BRAF: variants seen among roughly 807,000 people sequenced by gnomAD.
The protein encoded by BRAF is B-Raf proto-oncogene, serine/threonine kinase.
In BRAF, 16 loss-of-function variants were observed where a neutral mutation model predicts 104.6. The ratio of observed to expected loss-of-function variants is 0.15; its 90% CI spans 0.10 to 0.23. The LOEUF is 0.23. Among genes scored for constraint, BRAF ranks in the 10% least tolerant of loss-of-function variants. BRAF has a pLI of 1.00. For synonymous variants in BRAF, 310 were observed against 341.6 expected (o/e 0.91, Z 1.02); for missense variants, 541 against 937.3 (o/e 0.58, Z 5.52).
intron 2 of BRAF, among the ~76,000 whole-genome samples, chr7:140,846,680 A>G (rs1319803304): frequency 6.6e-6 from 1 of 152,150 alleles, no homozygotes; most frequent in East Asian, 1.9e-4. Context: ...AAATTTTGTT[A>G]GGCATATTTT....
chr7:140,889,533 T>G (rs987039504), intron 1 of BRAF, among the ~76,000 whole-genome samples: 1 of 152,180 alleles, frequency 6.6e-6, no homozygotes, highest in African/African-American at 2.4e-5. Context: ...ACAAAATTTT[T>G]AAGTCTGGAG....
At chr7:140,772,080 G>A (rs1799891221) in intron 14 of BRAF, among the ~76,000 whole-genome samples, 1 of 152,076 alleles carries the variant, frequency 6.6e-6, no homozygotes, top group Admixed American at 6.5e-5. Flanking sequence ...TGATCCATGG[G>A]AATAGATAGG....
At chr7:140,838,239 T>C (rs182699890) in intron 2 of BRAF, among the ~76,000 whole-genome samples, 16 of 152,344 alleles carry the variant, frequency 1.1e-4, no homozygotes, top group Admixed American at 8.5e-4. Context: ...TTTCTCTTTA[T>C]CTCCTTTAGA....
chr7:140,912,214 A>G (rs1167757534), intron 1 of BRAF, among the ~76,000 whole-genome samples: 4 of 152,144 alleles, frequency 2.6e-5, no homozygotes, highest in African/African-American at 9.7e-5. Flanking sequence ...TTATGCTCCC[A>G]TACTGCTGCG....
chr7:140,829,864 TTA>T (rs1806520926), intron 3 of BRAF, among the ~76,000 whole-genome samples: 1 of 152,226 alleles, frequency 6.6e-6, no homozygotes, highest in Non-Finnish European at 1.5e-5. Context: ...TTTTCCTGTA[TTA>T]TGTCTGTGAA....
intron 5 of BRAF, among the ~76,000 whole-genome samples, chr7:140,801,807 G>A (rs749998274): frequency 1.3e-5 from 2 of 152,032 alleles, no homozygotes; most frequent in Non-Finnish European, 2.9e-5. Flanking sequence ...ATGAGTAAAA[G>A]GCTGGCAACT....
In BRAF at chr7:140,724,748, T is replaced by C; in HGVS notation, c.*1746A>G. On this transcript the variant is annotated 3_prime_UTR_variant, in exon 20 of 20. Transcript: ENST00000644969. ...TAATTCCTTGATTTATTCTGGGTCT[T>C]GTTTAATTTCTTTCAAGTCCTTGGC... is the stretch of plus-strand genomic sequence containing the variant. The C allele has an allele frequency of 9.7e-7, 1 of 1,034,028 alleles. No homozygotes were observed. Among genetic ancestry groups the C allele is most frequent in the Non-Finnish European group, 1.2e-6 (1 of 859,368 alleles). 64.1% of individuals were successfully genotyped at this position (1,034,028 alleles called of 1,614,324 possible). A position where few individuals can be genotyped will look rare whatever the true frequency, so the allele number is the denominator to read the frequency against.
At chr7:140,863,871 C>G (rs570328812) in intron 1 of BRAF, among the ~76,000 whole-genome samples, 21 of 152,268 alleles carry the variant, frequency 1.4e-4, no homozygotes, top group Middle Eastern at 3.4e-3. Context: ...CCTGCAGAAC[C>G]GTGAGCCAAT....
chr7:140,733,832 G>A (rs1277083044), intron 19 of BRAF: 2 of 235,082 alleles, frequency 8.5e-6, no homozygotes, highest in African/African-American at 4.7e-5. Flanking sequence ...AGGGAGCAAT[G>A]CGTTTGCAAC....
chr7:140,847,302 G>A (rs377043355), intron 2 of BRAF, among the ~76,000 whole-genome samples: 24 of 152,116 alleles, frequency 1.6e-4, no homozygotes, highest in Middle Eastern at 3.4e-3. Context: ...GCTATTCCCG[G>A]CCAGGCACGG....
intron 14 of BRAF, among the ~76,000 whole-genome samples, chr7:140,764,948 C>T (rs973960252): frequency 2.0e-4 from 30 of 152,164 alleles, no homozygotes; most frequent in African/African-American, 7.0e-4. Flanking sequence ...GAAAAAACTA[C>T]TTTAAAGTTC....
At chr7:140,914,748 A>T (rs745978931) in intron 1 of BRAF, among the ~76,000 whole-genome samples, 2 of 152,038 alleles carry the variant, frequency 1.3e-5, no homozygotes, top group Non-Finnish European at 2.9e-5. Context: ...AGAGCTCTAT[A>T]AAAATAATCA....
At chr7:140,746,785 A>C (rs1163359296) in intron 17 of BRAF, among the ~76,000 whole-genome samples, 1 of 151,448 alleles carries the variant, frequency 6.6e-6, no homozygotes, top group East Asian at 1.9e-4. Flanking sequence ...AGCTGAGATC[A>C]GGCCACTGCA....
intron 1 of BRAF, among the ~76,000 whole-genome samples, chr7:140,899,440 TC>T (rs907097265): frequency 6.6e-6 from 1 of 152,214 alleles, no homozygotes; most frequent in East Asian, 1.9e-4. Context: ...AAAGGATTTT[TC>T]CCCCCAATTT....
Position 140,754,214 on chromosome 7 carries a change from T to A in BRAF, c.1834A>T (p.Ile612Phe), listed in dbSNP as rs755214031. ...TTACTCTTGAGGTCTCTGTGGATGATTGACTTGGCGTGTAAGTAACTGAAA... is the reference window on the plus strand; with the variant it reads ...TTACTCTTGAGGTCTCTGTGGATGAATGACTTGGCGTGTAAGTAACTGAAA... ...QGMDYLHAKS[I>F]IHRDLKSNNI... The change falls in exon 15 of 20, where the codon ATC becomes TTC. Residue 612 changes from isoleucine (I) to phenylalanine (F), a missense_variant. By Grantham distance (21) the Ile-to-Phe change is conservative. This residue lies in a region of BRAF where 129 missense variants were observed against 285.8 expected (regional missense o/e 0.45). Coordinates refer to ENST00000644969, the MANE Select transcript of BRAF (RefSeq NM_001374258.1). 6.2e-7 allele frequency: 1 copy of A among 1,613,740 alleles called. No homozygotes were observed.
At chr7:140,879,098 G>C (rs184290792) in intron 1 of BRAF, among the ~76,000 whole-genome samples, 2 of 151,550 alleles carry the variant, frequency 1.3e-5, no homozygotes, top group South Asian at 4.2e-4. Context: ...GGCTAGTCTC[G>C]AACTCCTGAC....
chr7:140,765,180 G>C (rs1294161781), intron 14 of BRAF, among the ~76,000 whole-genome samples: 1 of 152,094 alleles, frequency 6.6e-6, no homozygotes, highest in African/African-American at 2.4e-5. Flanking sequence ...ACAAACCTGA[G>C]AAAAACAAGC....
intron 1 of BRAF, among the ~76,000 whole-genome samples, chr7:140,900,292 GT>G (rs1815452983): frequency 1.3e-5 from 2 of 152,298 alleles, no homozygotes; most frequent in African/African-American, 4.8e-5. Flanking sequence ...TTTATGGCTA[GT>G]TTTTTGAGTC....
chr7:140,894,362 T>C (rs958022274), intron 1 of BRAF, among the ~76,000 whole-genome samples: 2 of 152,220 alleles, frequency 1.3e-5, no homozygotes, highest in African/African-American at 4.8e-5. Context: ...GTCATGGTTT[T>C]AAAGAATTAA....
Sources: allele counts gnomAD v4.1 joint callset (sites outside exome capture counted in the v4.1 genomes callset), GRCh38; gene constraint gnomAD v4.1.1; regional missense constraint gnomAD v4.1.1; transcripts MANE v1.5; gene names NCBI Gene and HGNC (gene_info 2026-07-23, HGNC 2026-07-21).